Variants in SEMA5B observed in about 807,000 individuals in gnomAD.
SEMA5B encodes the protein semaphorin-5B.
SEMA5B carries 66 observed loss-of-function variants against 135.0 expected under a neutral mutation model. The observed-to-expected ratio is 0.49, with a 90% CI of 0.40 to 0.60. The LOEUF is 0.60. Among genes scored for constraint, SEMA5B ranks in the 20% least tolerant of loss-of-function variants. SEMA5B has a pLI of 0.00. For synonymous variants in SEMA5B, 690 were observed against 639.5 expected (o/e 1.08, Z -1.19); for missense variants, 1,501 against 1,566.3 (o/e 0.96, Z 0.70).
At chr3:122,932,587 A>T (rs1939034648) in intron 5 of SEMA5B, among the ~76,000 whole-genome samples, 1 of 152,106 alleles carries the variant, frequency 6.6e-6, no homozygotes, top group African/African-American at 2.4e-5. Flanking sequence ...TCATGGGAAC[A>T]TCTTATCAAT....
Position 122,910,012 on chromosome 3 carries a change from A to G in SEMA5B, c.*131T>C, listed in dbSNP as rs1937612286. 1 of 954,870 alleles carries G rather than the reference A, an allele frequency of 1.0e-6. No homozygotes were observed. 59.1% of individuals were successfully genotyped at this position (954,870 alleles called of 1,614,324 possible). A position where few individuals can be genotyped will look rare whatever the true frequency, so the allele number is the denominator to read the frequency against. On this transcript the variant is annotated 3_prime_UTR_variant, in exon 23 of 23. Coordinates refer to ENST00000357599, the MANE Select transcript of SEMA5B (RefSeq NM_001031702.4). ...CCAGAGCTCTCTGAAGCCGGATGGG[A>G]CCCCCCACAGGCAAGGCAGCAAGTT...
chr3:123,000,529 C>T (rs77644296), intron 1 of SEMA5B, among the ~76,000 whole-genome samples: 10,156 of 152,178 alleles, frequency 0.067, 411 homozygotes, highest in East Asian at 0.16. Flanking sequence ...TCCAGAGTGC[C>T]TTAGGTATAT....
At chr3:122,912,386 G>T (rs375752961) in intron 18 of SEMA5B, 44 bp from the exon 19 acceptor site, 1 of 1,486,704 alleles carries the variant, frequency 6.7e-7, no homozygotes, top group South Asian at 1.4e-5. Context: ...GGGCAGCCAG[G>T]GCCCAAGACG....
At chr3:123,016,073 T>C (rs1942547868) in intron 1 of SEMA5B, among the ~76,000 whole-genome samples, 1 of 152,026 alleles carries the variant, frequency 6.6e-6, no homozygotes, top group African/African-American at 2.4e-5. Context: ...CCCAGGAGGA[T>C]GAGGGGTGGG....
intron 1 of SEMA5B, among the ~76,000 whole-genome samples, chr3:122,981,919 C>T (rs1941532699): frequency 6.6e-6 from 1 of 152,166 alleles, no homozygotes; most frequent in Non-Finnish European, 1.5e-5. Flanking sequence ...ATTCCAAGTG[C>T]TTTGCGTTTG....
intron 1 of SEMA5B, chr3:122,976,111 A>G: frequency 1.3e-6 from 2 of 1,535,292 alleles, no homozygotes; most frequent in Non-Finnish European, 1.7e-6. Context: ...TCCTCTGCTG[A>G]CAGATGCAGC....
chr3:122,950,037 C>T (rs965429964), intron 2 of SEMA5B, among the ~76,000 whole-genome samples: 1 of 152,198 alleles, frequency 6.6e-6, no homozygotes, highest in Non-Finnish European at 1.5e-5. Context: ...AATACATTGG[C>T]TTTTCTGGAC....
chr3:122,948,085 G>A (rs56015148), intron 3 of SEMA5B, among the ~76,000 whole-genome samples: 5,966 of 152,116 alleles, frequency 0.039, 398 homozygotes, highest in African/African-American at 0.14. Context: ...CCCTTGCACC[G>A]GGGTTTCCCA....
At chr3:123,006,727 G>A (rs1259575640) in intron 1 of SEMA5B, among the ~76,000 whole-genome samples, 1 of 152,088 alleles carries the variant, frequency 6.6e-6, no homozygotes, top group Non-Finnish European at 1.5e-5. Context: ...CTTCTGTGTT[G>A]AGCAACGGCC....
intron 1 of SEMA5B, among the ~76,000 whole-genome samples, chr3:122,982,844 G>C (rs1394038653): frequency 2.0e-5 from 3 of 152,236 alleles, no homozygotes; most frequent in Non-Finnish European, 4.4e-5. Context: ...CTCGGGCCTA[G>C]GGCCAGAGTG....
chr3:122,990,722 C>A (rs922669000), intron 1 of SEMA5B, among the ~76,000 whole-genome samples: 7 of 152,182 alleles, frequency 4.6e-5, no homozygotes, highest in Non-Finnish European at 7.3e-5. Context: ...CCCTGTGACC[C>A]CACAGGGGTT....
At chr3:122,985,490 T>C (rs1179211980) in intron 1 of SEMA5B, among the ~76,000 whole-genome samples, 1 of 150,352 alleles carries the variant, frequency 6.7e-6, no homozygotes, top group Admixed American at 6.6e-5. Context: ...GGTGATACAG[T>C]GTCTCTTAAA....
chr3:122,913,204 G>T lies in SEMA5B; in HGVS notation c.2501C>A (p.Thr834Asn). 2 of 1,564,038 alleles carry T rather than the reference G, an allele frequency of 1.3e-6. No individual in the cohort carries two copies. The change falls in exon 17 of 23, where the codon ACC (threonine) becomes AAC (asparagine). Residue 834 changes from threonine to asparagine, a missense_variant. Physicochemically the swap from Thr to Asn is moderately conservative, Grantham distance 65. Transcript: ENST00000357599. ...GGGCGCCGGGCGCGGGGTACCGTCG[G>T]TGTCGCAGGAGCCGGAGCCGTCCGC... ...CPADGSGSCD[T>N]DALVEVLLRS...
At position 122,909,965 on chromosome 3, in the gene SEMA5B, T is replaced by A. The variant is rs1295055645; in HGVS notation, c.*178A>T. The A allele has an allele frequency of 6.2e-6, 4 of 646,708 alleles. No individual in the cohort carries two copies. The highest frequency in any genetic ancestry group is 1.1e-5 in the Non-Finnish European group (4 of 376,590). The allele number at this position is 646,708 out of a possible 1,614,324, so 40.1% of individuals were successfully genotyped here. ...CCATATGTCAGCCTGAAACCAGCCC[T>A]TTCCCCCATGGTCAATGCCAGCCAG... On this transcript the variant is annotated 3_prime_UTR_variant, in exon 23 of 23. Transcript: ENST00000357599.
At chr3:122,953,114 A>G (rs145726995) in intron 2 of SEMA5B, among the ~76,000 whole-genome samples, 3 of 152,174 alleles carry the variant, frequency 2.0e-5, no homozygotes, top group African/African-American at 7.2e-5. Context: ...TACTCAATGC[A>G]TATGCAAATA....
chr3:122,997,526 C>A (rs936541355), intron 1 of SEMA5B, among the ~76,000 whole-genome samples: 2 of 151,754 alleles, frequency 1.3e-5, no homozygotes, highest in Non-Finnish European at 1.5e-5. Context: ...TCTCCCCCCC[C>A]CGTCTCCACC....
chr3:123,019,980 G>A (rs1430352206), intron 1 of SEMA5B, among the ~76,000 whole-genome samples: 1 of 152,224 alleles, frequency 6.6e-6, no homozygotes, highest in Non-Finnish European at 1.5e-5. Flanking sequence ...AGTGAAAAGT[G>A]TTTCTTAAAC....
chr3:122,966,560 A>ATTTTTTTTTT (rs1307061116), intron 1 of SEMA5B, among the ~76,000 whole-genome samples: 2 of 137,640 alleles, frequency 1.5e-5, no homozygotes, highest in African/African-American at 6.6e-5. Flanking sequence ...TATTATTATT[A>ATTTTTTTTTT]TTATTATTTT....
intron 1 of SEMA5B, among the ~76,000 whole-genome samples, chr3:122,979,128 C>T (rs1397833325): frequency 1.3e-5 from 2 of 152,054 alleles, no homozygotes; most frequent in East Asian, 1.9e-4. Context: ...GGATGGGAGG[C>T]GGGGGAAGAA....
Sources: gnomAD v4.1 joint callset for allele counts (sites outside exome capture counted in the v4.1 genomes callset) on GRCh38, gnomAD v4.1.1 for gene constraint, MANE v1.5 for transcripts, NCBI Gene and HGNC (gene_info 2026-07-23, HGNC 2026-07-21) for gene names.